The following TAFA2 variants were observed in gnomAD, a reference collection of about 807,000 sequenced individuals.
The protein encoded by TAFA2 is chemokine-like protein TAFA-2.
TAFA2 carries 7 observed loss-of-function variants against 18.8 expected under a neutral mutation model. The ratio of observed to expected loss-of-function variants is 0.37; its 90% CI spans 0.21 to 0.70. The LOEUF (loss-of-function observed/expected upper bound fraction) is 0.70. Among genes scored for constraint, TAFA2 ranks in the 30% least tolerant of loss-of-function variants. The pLI, the probability that TAFA2 is intolerant of heterozygous loss-of-function variation, is 0.53. For synonymous variants in TAFA2, 60 were observed against 54.2 expected (o/e 1.11, Z -0.47); for missense variants, 122 against 158.1 (o/e 0.77, Z 1.23).
chr12:61,815,171 A>G (rs1872027805), intron 2 of TAFA2, among the ~76,000 whole-genome samples: 1 of 151,502 alleles, frequency 6.6e-6, no homozygotes, highest in African/African-American at 2.5e-5. Context: ...TATATCTACT[A>G]TATATTTTCT....
At chr12:61,880,437 G>T in intron 1 of TAFA2, 1 of 539,186 alleles carries the variant, frequency 1.9e-6, no homozygotes. Context: ...CAGCAGCTGC[G>T]TGTATACCAG....
intron 1 of TAFA2, among the ~76,000 whole-genome samples, chr12:61,985,283 C>T (rs191582477): frequency 2.0e-5 from 3 of 152,228 alleles, no homozygotes; most frequent in South Asian, 2.1e-4. Context: ...AAATATGCTG[C>T]GAATAATTTT....
chr12:62,174,121 G>A (rs781173835), intron 1 of TAFA2, among the ~76,000 whole-genome samples: 29 of 152,088 alleles, frequency 1.9e-4, no homozygotes, highest in African/African-American at 2.7e-4. Context: ...GTGAAACTCC[G>A]TCACTACCAA....
chr12:62,078,483 T>C (rs1051147109), intron 1 of TAFA2, among the ~76,000 whole-genome samples: 1 of 151,812 alleles, frequency 6.6e-6, no homozygotes, highest in Non-Finnish European at 1.5e-5. Flanking sequence ...GCACTGGCCT[T>C]TCACTGATTT....
At chr12:62,163,103 C>A (rs1158979541) in intron 1 of TAFA2, among the ~76,000 whole-genome samples, 2 of 151,988 alleles carry the variant, frequency 1.3e-5, no homozygotes, top group East Asian at 3.9e-4. Context: ...TAATGGAAGT[C>A]AGGACAATAG....
chr12:62,087,147 G>A (rs2136827745), intron 1 of TAFA2, among the ~76,000 whole-genome samples: 1 of 152,176 alleles, frequency 6.6e-6, no homozygotes, highest in Non-Finnish European at 1.5e-5. Flanking sequence ...TGAAAGAGAG[G>A]AATGGGAAGT....
chr12:61,982,394 A>G (rs993744326), intron 1 of TAFA2, among the ~76,000 whole-genome samples: 1 of 152,156 alleles, frequency 6.6e-6, no homozygotes, highest in African/African-American at 2.4e-5. Context: ...CCTATGTATC[A>G]AACCTGCACG....
chr12:61,746,756 G>C (rs376478230), intron 4 of TAFA2, among the ~76,000 whole-genome samples: 49 of 152,168 alleles, frequency 3.2e-4, no homozygotes, highest in African/African-American at 1.2e-3. Flanking sequence ...AGTTTGTTTT[G>C]TTTTGTTTTG....
chr12:62,050,496 C>CGGGAGGCAGAGCTTGCA (rs1882023719), intron 1 of TAFA2, among the ~76,000 whole-genome samples: 1 of 151,498 alleles, frequency 6.6e-6, no homozygotes, highest in Admixed American at 6.6e-5. Flanking sequence ...GGCGTGAACC[C>CGGGAGGCAGAGCTTGCA]GGGAGGCAGA....
chr12:62,125,667 G>A (rs1565753096), intron 1 of TAFA2, among the ~76,000 whole-genome samples: 1 of 149,238 alleles, frequency 6.7e-6, no homozygotes, highest in Non-Finnish European at 1.5e-5. Context: ...GATAACTCCC[G>A]CAGATATTTT....
chr12:61,896,379 T>C (rs569271018), intron 1 of TAFA2, among the ~76,000 whole-genome samples: 97 of 152,296 alleles, frequency 6.4e-4, no homozygotes, highest in African/African-American at 2.3e-3. Context: ...CATTACGAAA[T>C]ATTTAATAAT....
At position 62,203,139 on chromosome 12, in the gene TAFA2, T is replaced by C. The variant is rs147049002; in HGVS notation, c.-130+55624A>G. Among the ~76,000 whole-genome samples the C allele has an allele frequency of 7.2e-5, 11 of 152,304 alleles. No homozygotes were observed. The East Asian group carries it at 1.9e-3, about 27-fold the overall frequency. ...ACCACACCCATCTTACATGTAGTTA[T>C]GTGGTTCTGAGGGGGTTTCTTAAGT... is the stretch of plus-strand genomic sequence containing the variant. On this transcript the variant is annotated intron_variant, in intron 1 of 5. Coordinates refer to the TAFA2 transcript ENST00000551619.
At chr12:61,733,247 C>G (rs1032656779) in intron 4 of TAFA2, among the ~76,000 whole-genome samples, 3 of 151,998 alleles carry the variant, frequency 2.0e-5, no homozygotes, top group Non-Finnish European at 2.9e-5. Context: ...ATGGTAGTTT[C>G]TTTTGCTGTG....
At chr12:61,806,328 GT>G (rs1478290794) in intron 2 of TAFA2, among the ~76,000 whole-genome samples, 1 of 152,098 alleles carries the variant, frequency 6.6e-6, no homozygotes, top group Non-Finnish European at 1.5e-5. Flanking sequence ...TTAAGGGGGA[GT>G]TTCCCTGCAC....
intron 1 of TAFA2, among the ~76,000 whole-genome samples, chr12:61,931,079 T>A (rs1022179147): frequency 3.3e-5 from 5 of 152,210 alleles, no homozygotes; most frequent in African/African-American, 4.8e-5. Flanking sequence ...ATTGCGCTGT[T>A]CAAGTTCTTG....
intron 2 of TAFA2, among the ~76,000 whole-genome samples, chr12:61,783,204 A>G (rs1870580998): frequency 6.6e-6 from 1 of 151,726 alleles, no homozygotes; most frequent in Non-Finnish European, 1.5e-5. Flanking sequence ...ACAAAAGATC[A>G]ATCAGAAATA....
intron 1 of TAFA2, among the ~76,000 whole-genome samples, chr12:62,117,680 T>C (rs1870018601): frequency 6.6e-6 from 1 of 152,146 alleles, no homozygotes; most frequent in African/African-American, 2.4e-5. Flanking sequence ...AGTCCTATGT[T>C]TCCTTTTTTA....
chr12:62,006,375 T>C (rs1315280251), intron 1 of TAFA2, among the ~76,000 whole-genome samples: 1 of 121,316 alleles, frequency 8.2e-6, no homozygotes, highest in Non-Finnish European at 1.6e-5. Context: ...CTCCTATAAA[T>C]TTCACGTGGA....
At chr12:62,012,243 C>T (rs1273130710) in intron 1 of TAFA2, among the ~76,000 whole-genome samples, 1 of 152,098 alleles carries the variant, frequency 6.6e-6, no homozygotes, top group Non-Finnish European at 1.5e-5. Context: ...CTGACTGTCA[C>T]ATTATTAAAA....
Sources: gnomAD v4.1 joint callset for allele counts (sites outside exome capture counted in the v4.1 genomes callset) on GRCh38, gnomAD v4.1.1 for gene constraint, MANE v1.5 for transcripts, NCBI Gene and HGNC (gene_info 2026-07-23, HGNC 2026-07-21) for gene names.